Variants in KHDRBS2 observed in about 807,000 individuals in gnomAD.
KHDRBS2 encodes the protein KH RNA binding domain containing, signal transduction associated 2, also known as KH domain-containing, RNA-binding, signal transduction-associated protein 2.
Under a neutral mutation model 44.3 loss-of-function variants are expected in KHDRBS2, and 26 were observed. The ratio of observed to expected loss-of-function variants is 0.59; its 90% confidence interval spans 0.43 to 0.81. The LOEUF (loss-of-function observed/expected upper bound fraction) is 0.81. KHDRBS2 is among the 40% of genes least tolerant of loss of function. The probability of loss-of-function intolerance (pLI) is 0.00; values close to 1 mark genes in which losing one functional copy is unlikely to be tolerated. For missense variants in KHDRBS2, 476 were observed against 433.1 expected (o/e 1.10, Z -0.88); for synonymous variants, 194 against 151.1 (o/e 1.28, Z -2.08).
At chr6:61,934,073 T>A (rs1337144779) in intron 4 of KHDRBS2, among the ~76,000 whole-genome samples, 1 of 152,194 alleles carries the variant, frequency 6.6e-6, no homozygotes, top group Non-Finnish European at 1.5e-5. Context: ...CATGTACTTG[T>A]TTGCCATTTG....
At chr6:62,080,197 A>T (rs1797125430) in intron 2 of KHDRBS2, among the ~76,000 whole-genome samples, 1 of 152,096 alleles carries the variant, frequency 6.6e-6, no homozygotes, top group Admixed American at 6.6e-5. Context: ...GTAAGCTAAA[A>T]ACATAACAAT....
chr6:62,095,585 A>G (rs1392155999), intron 2 of KHDRBS2, among the ~76,000 whole-genome samples: 6 of 151,902 alleles, frequency 3.9e-5, no homozygotes, highest in Non-Finnish European at 5.9e-5. Flanking sequence ...ACAATGAAGA[A>G]ATCACCTAAC....
intron 2 of KHDRBS2, among the ~76,000 whole-genome samples, chr6:62,061,102 A>G (rs1418529525): frequency 6.6e-6 from 1 of 151,892 alleles, no homozygotes; most frequent in Non-Finnish European, 1.5e-5. Flanking sequence ...AATACAGCAC[A>G]CTGATGGGTC....
chr6:61,584,789 A>G, the KHDRBS2 span, among the ~76,000 whole-genome samples: 1 of 151,898 alleles, frequency 6.6e-6, no homozygotes, highest in African/African-American at 2.4e-5. Context: ...AGAGATTGGG[A>G]ATATTCAGTG....
rs1378211302 is a variant in KHDRBS2, at chr6:61,691,987, C to A, written c.952+5208G>T. Among the ~76,000 whole-genome samples, 3 of 152,116 alleles carry A rather than the reference C, an allele frequency of 2.0e-5. No homozygotes were observed. In the East Asian group the frequency reaches 5.8e-4, roughly 29 times the overall value. ...CTAAAATGCCACTAAAGAATGGATG[C>A]ATAATTAACTCTTTAGCTCATACAT... On this transcript the variant is annotated intron_variant, in intron 8 of 8. Transcript: ENST00000281156.
intron 6 of KHDRBS2, among the ~76,000 whole-genome samples, chr6:61,758,128 G>A (rs57391579): frequency 0.38 from 57,905 of 151,780 alleles, 12,111 homozygotes; most frequent in African/African-American, 0.57. Flanking sequence ...GCTTTACCTG[G>A]GTTCCTCCTC....
chr6:62,185,992 C>T (rs1214229124), intron 1 of KHDRBS2, among the ~76,000 whole-genome samples: 2 of 151,970 alleles, frequency 1.3e-5, no homozygotes, highest in Non-Finnish European at 2.9e-5. Flanking sequence ...TTCTATTGTT[C>T]CTCCCCACCC....
chr6:62,088,682 GGGACCCACTTGGGGGGACAT>G (rs1371955416), intron 2 of KHDRBS2, among the ~76,000 whole-genome samples: 11 of 152,172 alleles, frequency 7.2e-5, no homozygotes, highest in African/African-American at 1.7e-4. Flanking sequence ...ATGGGGGACA[GGGACCCACTTGGGGGGACAT>G]GGACCCACTT....
intron 2 of KHDRBS2, among the ~76,000 whole-genome samples, chr6:62,062,914 C>A (rs1445957753): frequency 4.0e-5 from 6 of 149,070 alleles, no homozygotes; most frequent in Non-Finnish European, 9.0e-5. Context: ...AGAGAAGAAT[C>A]AAATAGACGC....
At chr6:61,783,477 A>G (rs1250681459) in intron 6 of KHDRBS2, among the ~76,000 whole-genome samples, 1 of 152,146 alleles carries the variant, frequency 6.6e-6, no homozygotes, top group African/African-American at 2.4e-5. Flanking sequence ...GCAAGCACTC[A>G]TTATATATTT....
chr6:62,029,705 A>T (rs1783997083), intron 3 of KHDRBS2, among the ~76,000 whole-genome samples: 1 of 152,006 alleles, frequency 6.6e-6, no homozygotes, highest in Admixed American at 6.6e-5. Flanking sequence ...AAAGATAAAA[A>T]AACAGAAAGG....
chr6:61,698,685 C>G (rs1446041632), intron 7 of KHDRBS2, among the ~76,000 whole-genome samples: 2 of 151,998 alleles, frequency 1.3e-5, no homozygotes, highest in African/African-American at 4.8e-5. Context: ...TTGTCCCCCC[C>G]TTGTATTTCT....
intron 2 of KHDRBS2, among the ~76,000 whole-genome samples, chr6:62,126,142 C>A (rs548871513): frequency 6.6e-6 from 1 of 152,222 alleles, no homozygotes; most frequent in Non-Finnish European, 1.5e-5. Flanking sequence ...CTAGGCCTGG[C>A]AGCATTTACC....
chr6:62,008,006 T>G (rs1250857291), intron 3 of KHDRBS2, among the ~76,000 whole-genome samples: 1 of 152,070 alleles, frequency 6.6e-6, no homozygotes, highest in Admixed American at 6.6e-5. Flanking sequence ...CAAAATGAAT[T>G]TCATATGTTA....
At chr6:61,651,168 C>T in the KHDRBS2 span, among the ~76,000 whole-genome samples, 5 of 152,002 alleles carry the variant, frequency 3.3e-5, no homozygotes, top group African/African-American at 4.8e-5. Flanking sequence ...TTTAGGTGCT[C>T]TAACTGGTTT....
chr6:61,905,322 A>C (rs1390785060), intron 4 of KHDRBS2, among the ~76,000 whole-genome samples: 1 of 152,118 alleles, frequency 6.6e-6, no homozygotes, highest in Non-Finnish European at 1.5e-5. Context: ...ATGGGCAATC[A>C]CAGGCCACGT....
At position 61,742,513 on chromosome 6, in the gene KHDRBS2, T is replaced by G. The variant is rs564486769; in HGVS notation, c.811-9749A>C. On this transcript the variant is annotated intron_variant, in intron 6 of 8. Coordinates refer to ENST00000281156, the MANE Select transcript of KHDRBS2 (RefSeq NM_152688.4). ...TTTTTCTTTAAAATGTTACATTCTA[T>G]CTGTGGTATTGTTACATTCTCTCTC... Among the ~76,000 whole-genome samples, 127 of 152,186 alleles carry G rather than the reference T, an allele frequency of 8.3e-4. 1 individual carries two copies. The highest frequency in any genetic ancestry group is 3.0e-3 in the African/African-American group (123 of 41,568).
At chr6:61,710,703 C>T (rs1275889375) in intron 7 of KHDRBS2, among the ~76,000 whole-genome samples, 5 of 150,776 alleles carry the variant, frequency 3.3e-5, no homozygotes, top group African/African-American at 1.2e-4. Context: ...TGTATTTACC[C>T]ACCCTCCTAG....
At chr6:61,822,994 G>T (rs1422322823) in intron 6 of KHDRBS2, among the ~76,000 whole-genome samples, 1 of 151,278 alleles carries the variant, frequency 6.6e-6, no homozygotes, top group East Asian at 1.9e-4. Flanking sequence ...TATGTGGGTA[G>T]TTTTTTTTTA....
Sources: allele counts gnomAD v4.1 joint callset (sites outside exome capture counted in the v4.1 genomes callset), GRCh38; gene constraint gnomAD v4.1.1; transcripts MANE v1.5; gene names NCBI Gene and HGNC (gene_info 2026-07-23, HGNC 2026-07-21).